The following SLC1A7 variants were observed in gnomAD, a reference collection of about 807,000 sequenced individuals.
The protein encoded by SLC1A7 is solute carrier family 1 member 7, also known as excitatory amino acid transporter 5.
A neutral mutation model predicts 47.7 loss-of-function variants in SLC1A7; 40 were observed. The observed-to-expected ratio is 0.84, with a 90% CI of 0.65 to 1.09. The LOEUF (loss-of-function observed/expected upper bound fraction) is 1.09, where lower values mean the gene tolerates loss of function less well. Among genes scored for constraint, SLC1A7 ranks in the 50% least tolerant of loss-of-function variants. The pLI, the probability that SLC1A7 is intolerant of heterozygous loss-of-function variation, is 0.00. For missense variants in SLC1A7, 746 were observed against 769.5 expected (o/e 0.97, Z 0.36); for synonymous variants, 323 against 325.6 (o/e 0.99, Z 0.09).
chr1:53,130,353 G>C (rs1644930125), intron 2 of SLC1A7, among the ~76,000 whole-genome samples: 1 of 152,170 alleles, frequency 6.6e-6, no homozygotes. Flanking sequence ...CCTGGTTCCA[G>C]GGCTTGGCAT....
At position 53,134,423 on chromosome 1, in the gene SLC1A7, T is replaced by C; in HGVS notation, c.142A>G (p.Ser48Gly). The C allele has an allele frequency of 6.2e-7, 1 of 1,610,122 alleles. No individual in the cohort carries two copies. The highest frequency in any genetic ancestry group is 1.1e-5 in the South Asian group (1 of 90,618). Residue 48 changes from serine (S) to glycine (G), a missense_variant, in exon 2 of 11, where the codon AGT becomes GGT. Coordinates refer to ENST00000371494, the MANE Select transcript of SLC1A7 (RefSeq NM_006671.6). ...RTRRLSPQEI[S>G]YFQFPGELLM... ...AGCTCTCCAGGGAACTGGAAGTAACTAATTTCCTGAAAACACAGTAAGAAC... is the reference window on the plus strand; with the variant it reads ...AGCTCTCCAGGGAACTGGAAGTAACCAATTTCCTGAAAACACAGTAAGAAC...
chr1:53,127,818 G>A (rs1644899415), intron 2 of SLC1A7, among the ~76,000 whole-genome samples: 1 of 152,212 alleles, frequency 6.6e-6, no homozygotes, highest in Non-Finnish European at 1.5e-5. Context: ...AGCAGCCATG[G>A]GGAATCACTT....
intron 2 of SLC1A7, among the ~76,000 whole-genome samples, chr1:53,131,888 G>C (rs1360811573): frequency 2.0e-5 from 3 of 152,242 alleles, no homozygotes; most frequent in Non-Finnish European, 4.4e-5. Context: ...ACAGGGTACA[G>C]TAAGGGAGAG....
chr1:53,099,654 ACACT>A (rs1644548695), intron 5 of SLC1A7, among the ~76,000 whole-genome samples: 1 of 149,956 alleles, frequency 6.7e-6, no homozygotes, highest in South Asian at 2.1e-4. Context: ...CCGTCTGAGT[ACACT>A]CACACACCTT....
intron 3 of SLC1A7, among the ~76,000 whole-genome samples, chr1:53,106,129 T>C (rs1432681137): frequency 6.6e-6 from 1 of 151,918 alleles, no homozygotes; most frequent in South Asian, 2.1e-4. Flanking sequence ...CCCTTCTGTG[T>C]GTAGGTCGCT....
intron 5 of SLC1A7, among the ~76,000 whole-genome samples, chr1:53,094,970 G>C (rs751390273): frequency 6.6e-6 from 1 of 152,224 alleles, no homozygotes; most frequent in African/African-American, 2.4e-5. Flanking sequence ...GCTCGGAGCC[G>C]CTGTGCTAGT....
intron 1 of SLC1A7, among the ~76,000 whole-genome samples, 164 bp from the exon 2 acceptor site, chr1:53,134,593 C>T (rs1644972620): frequency 1.3e-5 from 2 of 152,112 alleles, no homozygotes; most frequent in South Asian, 4.2e-4. Flanking sequence ...GAACTGGGTT[C>T]CAATCCTGGT....
At position 53,090,940 on chromosome 1, in the gene SLC1A7, G is replaced by A. The variant is rs752912960; in HGVS notation, c.1032-134C>T. The stretch of plus-strand genomic sequence containing the variant: ...TGCCTCTGCAGCGCTGCTCCGGCAG[G>A]AGGTAAGGACCGCGGGCACTGCAGT... On this transcript the variant is annotated intron_variant, in intron 7 of 10. Coordinates refer to ENST00000371494, the MANE Select transcript of SLC1A7 (RefSeq NM_006671.6). The A allele has an allele frequency of 5.2e-6, 8 of 1,535,032 alleles. No individual in the cohort carries two copies. In the East Asian group the frequency reaches 1.5e-4, roughly 28 times the overall value.
intron 3 of SLC1A7, among the ~76,000 whole-genome samples, chr1:53,114,088 T>C (rs1644728816): frequency 6.6e-6 from 1 of 152,040 alleles, no homozygotes; most frequent in Non-Finnish European, 1.5e-5. Flanking sequence ...AGTCCCCTGG[T>C]CCAGGGCCTG....
At chr1:53,091,418 T>A (rs1322577883) in intron 7 of SLC1A7, among the ~76,000 whole-genome samples, 5 of 152,200 alleles carry the variant, frequency 3.3e-5, no homozygotes, top group Admixed American at 3.3e-4. Flanking sequence ...CGCCAGAGCC[T>A]CTCAGGAGCT....
At chr1:53,108,402 A>C (rs1289966540) in intron 3 of SLC1A7, 1 of 599,466 alleles carries the variant, frequency 1.7e-6, no homozygotes, top group Middle Eastern at 4.4e-4. Flanking sequence ...GGGCCTTGGC[A>C]GGGACAGCTA....
intron 5 of SLC1A7, among the ~76,000 whole-genome samples, chr1:53,099,433 C>T (rs754807693): frequency 4.0e-5 from 6 of 150,076 alleles, no homozygotes; most frequent in African/African-American, 7.4e-5. Flanking sequence ...CAGCCCGCCT[C>T]GGTATACTCA....
chr1:53,106,421 G>A (rs536677005), intron 3 of SLC1A7, among the ~76,000 whole-genome samples: 33 of 151,718 alleles, frequency 2.2e-4, no homozygotes, highest in African/African-American at 7.3e-4. Context: ...TCGAGTCCAC[G>A]GTGAAACCCC....
At chr1:53,129,526 G>T (rs1553164863) in intron 2 of SLC1A7, among the ~76,000 whole-genome samples, 2 of 104,382 alleles carry the variant, frequency 1.9e-5, no homozygotes, top group South Asian at 5.4e-4. Flanking sequence ...ACATGTCTGA[G>T]GAGGGACTTG....
At chr1:53,130,425 T>C (rs533646137) in intron 2 of SLC1A7, among the ~76,000 whole-genome samples, 2 of 152,174 alleles carry the variant, frequency 1.3e-5, no homozygotes, top group South Asian at 4.2e-4. Flanking sequence ...GGAGCCAGGC[T>C]TCGAGGCCCA....
At chr1:53,104,358 A>G (rs1008118023) in intron 4 of SLC1A7, among the ~76,000 whole-genome samples, 2 of 152,232 alleles carry the variant, frequency 1.3e-5, no homozygotes, top group Non-Finnish European at 2.9e-5. Context: ...CATCGTCATC[A>G]TCACGTTGAA....
At chr1:53,127,037 A>AATTT (rs1644889931) in intron 2 of SLC1A7, among the ~76,000 whole-genome samples, 2 of 22,698 alleles carry the variant, frequency 8.8e-5, no homozygotes, top group Non-Finnish European at 1.6e-4. Context: ...TAATTTTAAA[A>AATTT]GTTTTTTTTT....
intron 6 of SLC1A7, 64 bp from the exon 7 acceptor site, chr1:53,092,851 C>T (rs543542432): frequency 1.4e-5 from 15 of 1,048,464 alleles, no homozygotes; most frequent in Non-Finnish European, 2.1e-5. Context: ...GCCCCAGCCC[C>T]GCATCGCTGC....
At chr1:53,119,562 A>G (rs1220241948) in intron 2 of SLC1A7, among the ~76,000 whole-genome samples, 2 of 152,048 alleles carry the variant, frequency 1.3e-5, no homozygotes, top group African/African-American at 4.8e-5. Flanking sequence ...ATGATGCCCA[A>G]TCTGGTCTGG....
Sources: gnomAD v4.1 joint callset for allele counts (sites outside exome capture counted in the v4.1 genomes callset) on GRCh38, gnomAD v4.1.1 for gene constraint, MANE v1.5 for transcripts, NCBI Gene and HGNC (gene_info 2026-07-23, HGNC 2026-07-21) for gene names.